The following SPAG16 variants were observed in gnomAD, a reference collection of about 807,000 sequenced individuals.
SPAG16 encodes sperm associated antigen 16.
In SPAG16, 86 loss-of-function variants were observed where a neutral mutation model predicts 80.4. The observed-to-expected ratio is 1.07, with a 90% CI of 0.90 to 1.28. The LOEUF is 1.28. Ranked by LOEUF, SPAG16 falls within the 50% of genes most tolerant of loss-of-function variation. The probability of loss-of-function intolerance (pLI) is 0.00; values close to 1 mark genes in which losing one functional copy is unlikely to be tolerated. For synonymous variants in SPAG16, 294 were observed against 265.9 expected (o/e 1.11, Z -1.03); for missense variants, 870 against 765.3 (o/e 1.14, Z -1.61).
chr2:214,082,010 C>T (rs2051419081), intron 13 of SPAG16, among the ~76,000 whole-genome samples: 1 of 152,188 alleles, frequency 6.6e-6, no homozygotes, highest in African/African-American at 2.4e-5. Context: ...GTTCCTCAGG[C>T]TCTGGGCCCT....
chr2:214,065,633 T>C (rs1473797772), intron 13 of SPAG16, among the ~76,000 whole-genome samples: 2 of 152,164 alleles, frequency 1.3e-5, no homozygotes, highest in East Asian at 3.9e-4. Context: ...ATAGTATGCC[T>C]ACTTTACAGA....
At chr2:213,508,959 AC>A (rs1361969721) in intron 10 of SPAG16, among the ~76,000 whole-genome samples, 1 of 149,266 alleles carries the variant, frequency 6.7e-6, no homozygotes, top group Non-Finnish European at 1.5e-5. Flanking sequence ...CCTTTTACTG[AC>A]TGTGTTGTTA....
chr2:214,363,676 G>C (rs758313635), intron 15 of SPAG16, among the ~76,000 whole-genome samples: 1 of 151,970 alleles, frequency 6.6e-6, no homozygotes, highest in Non-Finnish European at 1.5e-5. Context: ...GCATATGCAG[G>C]GGGGCTGAGG....
intron 15 of SPAG16, among the ~76,000 whole-genome samples, chr2:214,172,191 C>T (rs2056893173): frequency 6.6e-6 from 1 of 151,792 alleles, no homozygotes; most frequent in East Asian, 1.9e-4. Context: ...GTGTGCTGCA[C>T]CCATTAACTC....
At chr2:213,621,485 G>A (rs1002880055) in intron 10 of SPAG16, among the ~76,000 whole-genome samples, 5 of 152,140 alleles carry the variant, frequency 3.3e-5, no homozygotes, top group African/African-American at 1.2e-4. Flanking sequence ...AATTTTTAAT[G>A]GTCATGGAAA....
At chr2:214,328,410 G>A (rs1250957355) in intron 15 of SPAG16, among the ~76,000 whole-genome samples, 5 of 152,164 alleles carry the variant, frequency 3.3e-5, no homozygotes, top group African/African-American at 7.2e-5. Flanking sequence ...TGATCCACCC[G>A]CCTCGGCCTC....
intron 15 of SPAG16, among the ~76,000 whole-genome samples, chr2:214,230,219 T>C (rs550112377): frequency 6.6e-6 from 1 of 151,982 alleles, no homozygotes; most frequent in Non-Finnish European, 1.5e-5. Context: ...TGATTCTAGA[T>C]AATATTTCTA....
At chr2:214,183,743 T>C (rs1293956040) in intron 15 of SPAG16, among the ~76,000 whole-genome samples, 1 of 152,018 alleles carries the variant, frequency 6.6e-6, no homozygotes, top group African/African-American at 2.4e-5. Flanking sequence ...TCGTCATCTG[T>C]GTAGTCCAAA....
intron 10 of SPAG16, among the ~76,000 whole-genome samples, chr2:213,648,313 A>C (rs1300705850): frequency 7.3e-6 from 1 of 137,898 alleles, no homozygotes; most frequent in East Asian, 1.9e-4. Context: ...ATGTCTATTC[A>C]AAAAAAAATG....
In SPAG16 at chr2:214,360,919, A is replaced by T. The variant is rs550299690; in HGVS notation, c.1721-49221A>T. On this transcript the variant is annotated intron_variant, in intron 15 of 15. Coordinates refer to ENST00000331683, the MANE Select transcript of SPAG16 (RefSeq NM_024532.5). The stretch of plus-strand genomic sequence containing the variant: ...TGTAGTCAATTTTAGAGGAAGAGAA[A>T]ATGATTTTTAGGGGAAATGAATGGG... Among the ~76,000 whole-genome samples the T allele has an allele frequency of 4.6e-5, 7 of 151,936 alleles. No individual in the cohort carries two copies. In the South Asian group the frequency reaches 1.2e-3, roughly 27 times the overall value.
intron 10 of SPAG16, among the ~76,000 whole-genome samples, chr2:213,761,256 A>G (rs2263042): frequency 0.93 from 141,515 of 152,246 alleles, 66,689 homozygotes; most frequent in East Asian, 1. Context: ...ATATCAAAAC[A>G]TATGGGATGA....
At position 213,862,467 on chromosome 2, in the gene SPAG16, T is replaced by C. The variant is rs1462419014; in HGVS notation, c.1071-18T>C. On this transcript the variant is annotated intron_variant, in intron 10 of 15. Coordinates refer to ENST00000331683, the MANE Select transcript of SPAG16 (RefSeq NM_024532.5). ...GCTATTATCTCCCCATAACTCTTTT[T>C]TCTTTCTCCTCGCGCAGTGTCTCCA... 2 of 1,611,204 alleles carry C rather than the reference T, an allele frequency of 1.2e-6. No individual in the cohort carries two copies. The highest frequency in any genetic ancestry group is 1.7e-6 in the Non-Finnish European group (2 of 1,177,762).
At chr2:213,492,334 A>G (rs908801281) in intron 10 of SPAG16, among the ~76,000 whole-genome samples, 4 of 152,098 alleles carry the variant, frequency 2.6e-5, no homozygotes, top group Non-Finnish European at 5.9e-5. Flanking sequence ...TGGGCAGATC[A>G]CTAGGTCAGA....
intron 13 of SPAG16, among the ~76,000 whole-genome samples, chr2:214,049,975 G>T (rs963928037): frequency 9.9e-5 from 15 of 152,188 alleles, no homozygotes; most frequent in African/African-American, 3.6e-4. Flanking sequence ...ATGTGTAACA[G>T]ATTTTATTGG....
intron 15 of SPAG16, among the ~76,000 whole-genome samples, chr2:214,394,663 C>T (rs912108122): frequency 6.6e-6 from 1 of 152,176 alleles, no homozygotes; most frequent in Admixed American, 6.6e-5. Flanking sequence ...CACACATGCA[C>T]AGCCTCCTTG....
chr2:214,402,123 T>C (rs76949059), intron 15 of SPAG16, among the ~76,000 whole-genome samples: 2,227 of 152,092 alleles, frequency 0.015, 61 homozygotes, highest in African/African-American at 0.051. Context: ...TATTAACTAG[T>C]GTTGTGAATT....
intron 1 of SPAG16, chr2:213,284,820 G>C (rs1437254681): frequency 1.4e-6 from 1 of 719,140 alleles, no homozygotes; most frequent in Admixed American, 3.0e-5. Flanking sequence ...GTAGCCCAGG[G>C]TGTCCTGTAC....
At chr2:214,349,764 T>A (rs73989446) in intron 15 of SPAG16, among the ~76,000 whole-genome samples, 9,729 of 152,268 alleles carry the variant, frequency 0.064, 1,025 homozygotes, top group African/African-American at 0.22. Context: ...ATCTTTTTTG[T>A]TTTAGTTATT....
At chr2:213,980,842 G>A (rs2045709306) in intron 12 of SPAG16, among the ~76,000 whole-genome samples, 1 of 149,594 alleles carries the variant, frequency 6.7e-6, no homozygotes, top group Non-Finnish European at 1.5e-5. Flanking sequence ...CCGGGAGGCG[G>A]AGGTTGCAGT....
Sources: allele counts gnomAD v4.1 joint callset (sites outside exome capture counted in the v4.1 genomes callset), GRCh38; gene constraint gnomAD v4.1.1; transcripts MANE v1.5; gene names NCBI Gene and HGNC (gene_info 2026-07-23, HGNC 2026-07-21).